Variants in PDPN observed in about 807,000 individuals in gnomAD.
PDPN encodes podoplanin.
Under a neutral mutation model 23.2 loss-of-function variants are expected in PDPN, and 12 were observed. The observed-to-expected ratio is 0.52, with a 90% CI of 0.33 to 0.84. The LOEUF (loss-of-function observed/expected upper bound fraction) is 0.84. Among genes scored for constraint, PDPN ranks in the 40% least tolerant of loss-of-function variants. The probability of loss-of-function intolerance (pLI) is 0.02; values close to 1 mark genes in which losing one functional copy is unlikely to be tolerated. For missense variants in PDPN, 199 were observed against 212.2 expected (o/e 0.94, Z 0.39); for synonymous variants, 77 against 76.7 (o/e 1.00, Z -0.02).
intron 1 of PDPN, among the ~76,000 whole-genome samples, chr1:13,600,562 A>T (rs942558599): frequency 1.3e-5 from 2 of 152,076 alleles, no homozygotes; most frequent in African/African-American, 4.8e-5. Context: ...AAGGTGTTTC[A>T]CCACGTTGGC....
intron 1 of PDPN, 94 bp downstream of exon 1, chr1:13,584,194 C>CCAGGGGAGCG (rs766766272): frequency 1.4e-5 from 21 of 1,536,994 alleles, no homozygotes; most frequent in Non-Finnish European, 8.8e-7. Context: ...TCGAGGTTGT[C>CCAGGGGAGCG]CAGGGGAGCG....
intron 2 of PDPN, among the ~76,000 whole-genome samples, chr1:13,607,582 A>C (rs1021343997): frequency 2.0e-5 from 3 of 152,286 alleles, no homozygotes; most frequent in Admixed American, 2.0e-4. Flanking sequence ...TTAAAGTCGC[A>C]GTTTCCAAGA....
chr1:13,591,193 G>A (rs1640335059), intron 1 of PDPN, among the ~76,000 whole-genome samples: 1 of 152,118 alleles, frequency 6.6e-6, no homozygotes, highest in Admixed American at 6.6e-5. Context: ...GCCCACCTCA[G>A]CCTCCCAAAG....
intron 1 of PDPN, among the ~76,000 whole-genome samples, chr1:13,599,011 C>CT (rs35244657): frequency 0.059 from 7,464 of 127,022 alleles, 342 homozygotes; most frequent in Middle Eastern, 0.077. Context: ...GCCCCCCCTC[C>CT]TTTTTTTTTT....
rs113670151 is a variant in PDPN at position 13,596,055 on chromosome 1, T to C, written c.68-11118T>C. 3.4e-3 allele frequency: 1,175 copies of C among 349,482 alleles called. 8 individuals are homozygous for C. Among genetic ancestry groups the C allele is most frequent in the African/African-American group, 0.023 (1,053 of 46,422 alleles). The allele number at this position is 349,482 out of a possible 1,614,324, so 21.6% of individuals were successfully genotyped here. ...TCTACTAAAAATACAAAAAATTAGC[T>C]GGACATGGTGGCAGGTGCCTGTAAT... On this transcript the variant is annotated intron_variant, in intron 1 of 5. Coordinates refer to ENST00000621990, the MANE Select transcript of PDPN (RefSeq NM_006474.5).
intron 1 of PDPN, among the ~76,000 whole-genome samples, chr1:13,600,069 G>C (rs1414486743): frequency 6.6e-6 from 1 of 152,194 alleles, no homozygotes; most frequent in Non-Finnish European, 1.5e-5. Context: ...CATTAAATAA[G>C]ACTGGAAGAT....
At chr1:13,604,325 G>A (rs552605137) in intron 1 of PDPN, among the ~76,000 whole-genome samples, 107 of 152,312 alleles carry the variant, frequency 7.0e-4, no homozygotes, top group African/African-American at 2.5e-3. Flanking sequence ...TTCACCCAGG[G>A]AATCCTTCAG....
rs890594327 is a variant in PDPN at position 13,617,119 on chromosome 1, C to T, written c.*1208C>T. 2.0e-5 allele frequency: 3 copies of T among 151,264 alleles called. No homozygotes were observed. Among genetic ancestry groups the T allele is most frequent in the African/African-American group, 7.3e-5 (3 of 41,168 alleles). The allele number at this position is 151,264 out of a possible 1,614,324, so 9.4% of individuals were successfully genotyped here. A position where few individuals can be genotyped will look rare whatever the true frequency, so the allele number is the denominator to read the frequency against. The stretch of plus-strand genomic sequence containing the variant: ...CCCAAGGGGTCATTCTGTCTCAGCA[C>T]CATCCAGCCTGGCACTTCTCTTCCC... On this transcript the variant is annotated 3_prime_UTR_variant, in exon 6 of 6. Transcript: ENST00000621990.
rs72867975 is a variant in PDPN at position 13,614,511 on chromosome 1, G to A, written c.482+100G>A. On this transcript the variant is annotated intron_variant, in intron 5 of 5. Coordinates refer to ENST00000621990, the MANE Select transcript of PDPN (RefSeq NM_006474.5). ...TAGAAATCTCTGATATAAGCTGGGT[G>A]TGGTGGCTCGTGCCTGTAGTCTCAG... 1.4e-3 allele frequency: 1,002 copies of A among 723,920 alleles called. 2 individuals carry two copies. The African/African-American group carries it at 0.015, about 11-fold the overall frequency. 44.8% of individuals were successfully genotyped at this position (723,920 alleles called of 1,614,324 possible).
intron 1 of PDPN, chr1:13,595,864 G>A: frequency 7.8e-7 from 1 of 1,288,474 alleles, no homozygotes; most frequent in South Asian, 1.2e-5. Context: ...AAGCCTGGTG[G>A]ACAGCGGCAG....
chr1:13,595,513 T>C (rs1306816889), intron 1 of PDPN, among the ~76,000 whole-genome samples: 1 of 152,192 alleles, frequency 6.6e-6, no homozygotes, highest in Non-Finnish European at 1.5e-5. Flanking sequence ...TCCCAGTTTG[T>C]AGTCAGGGAA....
At chr1:13,606,628 T>C (rs994877561) in intron 1 of PDPN, among the ~76,000 whole-genome samples, 1 of 151,986 alleles carries the variant, frequency 6.6e-6, no homozygotes, top group African/African-American at 2.4e-5. Flanking sequence ...TGATTGTGCC[T>C]CTGTACTCTA....
chr1:13,592,761 G>T (rs1243828708), intron 1 of PDPN, among the ~76,000 whole-genome samples: 1 of 151,960 alleles, frequency 6.6e-6, no homozygotes, highest in Non-Finnish European at 1.5e-5. Flanking sequence ...TGTTGGTCAG[G>T]CTGGTCTCAA....
chr1:13,598,001 TTTC>T (rs1004091390), intron 1 of PDPN, among the ~76,000 whole-genome samples: 2 of 151,736 alleles, frequency 1.3e-5, no homozygotes, highest in African/African-American at 4.8e-5. Flanking sequence ...TGGGTTAGCA[TTTC>T]TTTTCTTTTT....
At chr1:13,614,746 C>G (rs1641023655) in intron 5 of PDPN, 3 of 466,300 alleles carry the variant, frequency 6.4e-6, no homozygotes, top group African/African-American at 6.0e-5. Flanking sequence ...ATGATTGTGC[C>G]ACTGCACTCC....
At chr1:13,589,746 A>T (rs1433237719) in intron 1 of PDPN, among the ~76,000 whole-genome samples, 2 of 152,208 alleles carry the variant, frequency 1.3e-5, no homozygotes, top group African/African-American at 4.8e-5. Flanking sequence ...AATCCGTGCC[A>T]CTGAGGACAC....
chr1:13,591,923 C>T (rs952796475), intron 1 of PDPN, among the ~76,000 whole-genome samples: 8 of 152,230 alleles, frequency 5.3e-5, no homozygotes, highest in African/African-American at 1.9e-4. Flanking sequence ...TACAGTTCCA[C>T]CAGCAATACA....
intron 1 of PDPN, chr1:13,595,688 T>A (rs1640476430): frequency 2.3e-6 from 1 of 430,886 alleles, no homozygotes; most frequent in African/African-American, 2.0e-5. Flanking sequence ...TCGTCATTGG[T>A]CTCATCCCAC....
intron 1 of PDPN, among the ~76,000 whole-genome samples, chr1:13,600,380 T>G (rs886432222): frequency 1.3e-5 from 2 of 152,026 alleles, no homozygotes; most frequent in Non-Finnish European, 2.9e-5. Context: ...TCTTTTTTTT[T>G]TTTTGAGATG....
Sources: allele counts gnomAD v4.1 joint callset (sites outside exome capture counted in the v4.1 genomes callset), GRCh38; gene constraint gnomAD v4.1.1; transcripts MANE v1.5; gene names NCBI Gene and HGNC (gene_info 2026-07-23, HGNC 2026-07-21).